The following GPR176 variants were observed in gnomAD, a reference collection of about 807,000 sequenced individuals.
GPR176 encodes the protein G protein-coupled receptor 176.
Under a neutral mutation model 35.4 loss-of-function variants are expected in GPR176, and 26 were observed. That is an observed-to-expected ratio of 0.74 (90% CI 0.54 to 1.02). The LOEUF (loss-of-function observed/expected upper bound fraction) is 1.02, where lower values mean the gene tolerates loss of function less well. GPR176 is among the 50% of genes least tolerant of loss of function. The pLI, the probability that GPR176 is intolerant of heterozygous loss-of-function variation, is 0.00. For synonymous variants in GPR176, 278 were observed against 271.3 expected (o/e 1.02, Z -0.24); for missense variants, 597 against 665.3 (o/e 0.90, Z 1.13).
chr15:39,846,659 C>T (rs1156266254), intron 1 of GPR176, among the ~76,000 whole-genome samples: 1 of 152,100 alleles, frequency 6.6e-6, no homozygotes, highest in Non-Finnish European at 1.5e-5. Flanking sequence ...AGAAATCATA[C>T]AGGTGAGGAA....
chr15:39,804,367 G>C (rs899338937), intron 2 of GPR176, among the ~76,000 whole-genome samples: 3 of 152,124 alleles, frequency 2.0e-5, no homozygotes, highest in Non-Finnish European at 4.4e-5. Context: ...TAAGTAATTT[G>C]CATCTGTGAA....
At chr15:39,908,550 C>CTTTTTTTTTTTTT (rs199790696) in intron 1 of GPR176, among the ~76,000 whole-genome samples, 1 of 144,068 alleles carries the variant, frequency 6.9e-6, no homozygotes, top group African/African-American at 2.5e-5. Flanking sequence ...AGGAGATTTT[C>CTTTTTTTTTTTTT]TTTTTTTTTT....
chr15:39,871,887 T>G lies in GPR176; in HGVS notation c.172+47968A>C, dbSNP rs183573868. 7.9e-5 allele frequency among the ~76,000 whole-genome samples: 12 copies of G among 152,324 alleles called. No homozygotes were observed. The East Asian group carries it at 2.1e-3, about 27-fold the overall frequency. ...TTCATCTAATGTCAATACCATGCTA[T>G]GTACTGATCCCTACTGAGTGACCTA... On this transcript the variant is annotated intron_variant, in intron 1 of 2. Coordinates refer to ENST00000561100, the MANE Select transcript of GPR176 (RefSeq NM_007223.3).
intron 1 of GPR176, among the ~76,000 whole-genome samples, chr15:39,882,131 A>G (rs2032498660): frequency 6.6e-6 from 1 of 152,254 alleles, no homozygotes; most frequent in Non-Finnish European, 1.5e-5. Context: ...CCAAAACTAC[A>G]GAAGCATTAC....
chr15:39,815,339 C>T lies in GPR176; in HGVS notation c.173-8081G>A, dbSNP rs559408385. The T allele has an allele frequency of 2.0e-5, 3 of 152,292 alleles. No homozygotes were observed. The East Asian group carries it at 5.8e-4, about 29-fold the overall frequency. The allele number at this position is 152,292 out of a possible 1,614,324, so 9.4% of individuals were successfully genotyped here. On this transcript the variant is annotated intron_variant, in intron 1 of 2. Coordinates refer to ENST00000561100, the MANE Select transcript of GPR176 (RefSeq NM_007223.3). Reference sequence around the variant, plus strand: ...TCACCCAGGTTTGCCCTGTGAAGGCCCCTTGAGTGGTGCTCCTCTGGCAGA... The same window carrying T: ...TCACCCAGGTTTGCCCTGTGAAGGCTCCTTGAGTGGTGCTCCTCTGGCAGA...
intron 1 of GPR176, among the ~76,000 whole-genome samples, chr15:39,869,958 C>T (rs1294089072): frequency 2.6e-5 from 4 of 152,174 alleles, no homozygotes; most frequent in African/African-American, 4.8e-5. Flanking sequence ...TGGCTTAAAA[C>T]AACACACATT....
intron 1 of GPR176, among the ~76,000 whole-genome samples, chr15:39,867,265 C>G (rs2031866407): frequency 6.6e-6 from 1 of 152,210 alleles, no homozygotes; most frequent in South Asian, 2.1e-4. Context: ...CCAACTGACT[C>G]TACCACCATG....
chr15:39,910,777 C>A (rs1283372347), intron 1 of GPR176, among the ~76,000 whole-genome samples: 1 of 152,070 alleles, frequency 6.6e-6, no homozygotes, highest in East Asian at 1.9e-4. Flanking sequence ...GTGGCTCACA[C>A]CTGTAATCCC....
At chr15:39,833,455 T>C (rs1901218496) in intron 1 of GPR176, among the ~76,000 whole-genome samples, 2 of 152,270 alleles carry the variant, frequency 1.3e-5, no homozygotes, top group Admixed American at 1.3e-4. Flanking sequence ...GACAAATCCT[T>C]AGAAACAGAG....
At chr15:39,836,710 A>C (rs1401707828) in intron 1 of GPR176, among the ~76,000 whole-genome samples, 1 of 152,114 alleles carries the variant, frequency 6.6e-6, no homozygotes, top group Non-Finnish European at 1.5e-5. Flanking sequence ...AAGTTCACAT[A>C]AATTTGTTCT....
At chr15:39,866,738 A>C (rs544779526) in intron 1 of GPR176, among the ~76,000 whole-genome samples, 1 of 152,342 alleles carries the variant, frequency 6.6e-6, no homozygotes, top group Non-Finnish European at 1.5e-5. Flanking sequence ...TGTGTAACAA[A>C]CCTGCATGTG....
At chr15:39,899,462 C>A (rs1199601458) in intron 1 of GPR176, among the ~76,000 whole-genome samples, 1 of 152,146 alleles carries the variant, frequency 6.6e-6, no homozygotes, top group African/African-American at 2.4e-5. Flanking sequence ...CTAGCAGATT[C>A]TTTTACACAT....
rs562511379 is a variant in GPR176 at position 39,807,245 on chromosome 15, C to T, written c.186G>A (p.Val62=). 4 of 1,562,996 alleles carry T rather than the reference C, an allele frequency of 2.6e-6. No homozygotes were observed. In the African/African-American group the frequency reaches 4.1e-5, roughly 16 times the overall value. The stretch of plus-strand genomic sequence containing the variant: ...CGGTTGTGCGGCAAGTTGACCATAA[C>T]ACCATGAAGTTTCCTGGTCAGATAT... The part of the protein sequence containing the change: ...FIGSLLGNFM[V]LWSTCRTTVF... Residue 62 remains valine (V), a synonymous_variant, in exon 2 of 3, where the codon GTG becomes GTA. Coordinates refer to ENST00000561100, the MANE Select transcript of GPR176 (RefSeq NM_007223.3).
At chr15:39,916,421 C>G (rs1036797793) in intron 1 of GPR176, among the ~76,000 whole-genome samples, 1 of 152,148 alleles carries the variant, frequency 6.6e-6, no homozygotes, top group Non-Finnish European at 1.5e-5. Flanking sequence ...TATGTACAAG[C>G]CTTGTGTTCA....
chr15:39,855,749 C>T (rs1279420248), intron 1 of GPR176, among the ~76,000 whole-genome samples: 1 of 152,190 alleles, frequency 6.6e-6, no homozygotes, highest in African/African-American at 2.4e-5. Context: ...ATAAAATACC[C>T]ATCAGCTGAG....
At chr15:39,828,118 T>C (rs1474712153) in intron 1 of GPR176, among the ~76,000 whole-genome samples, 1 of 152,228 alleles carries the variant, frequency 6.6e-6, no homozygotes. Flanking sequence ...AGGGATTAAT[T>C]TTTCTATTTC....
At chr15:39,813,547 C>A (rs759021024) in intron 1 of GPR176, 1 of 152,274 alleles carries the variant, frequency 6.6e-6, no homozygotes, top group South Asian at 2.1e-4. Context: ...TGCTTCTCTG[C>A]GTATAATGTG....
intron 1 of GPR176, among the ~76,000 whole-genome samples, chr15:39,899,306 A>C (rs1212718366): frequency 6.6e-6 from 1 of 152,218 alleles, no homozygotes; most frequent in African/African-American, 2.4e-5. Context: ...TTCCAGTTCA[A>C]GGGAATCACT....
chr15:39,807,560 G>C (rs1346724580), intron 1 of GPR176: 33 of 1,518,666 alleles, frequency 2.2e-5, no homozygotes, highest in Admixed American at 5.9e-5. Context: ...CAATTTGCTA[G>C]TTATTACTTA....
Sources: gnomAD v4.1 joint callset for allele counts (sites outside exome capture counted in the v4.1 genomes callset) on GRCh38, gnomAD v4.1.1 for gene constraint, MANE v1.5 for transcripts, NCBI Gene and HGNC (gene_info 2026-07-23, HGNC 2026-07-21) for gene names.